The following TUSC3 variants were observed in gnomAD, a reference collection of about 807,000 sequenced individuals.
The protein encoded by TUSC3 is tumor suppressor candidate 3, also known as dolichyl-diphosphooligosaccharide--protein glycosyltransferase subunit TUSC3.
TUSC3 carries 45 observed loss-of-function variants against 44.8 expected under a neutral mutation model. The observed-to-expected ratio is 1.00, with a 90% CI of 0.79 to 1.29. TUSC3 has a LOEUF of 1.29. Ranked by LOEUF, TUSC3 falls within the 50% of genes most tolerant of loss-of-function variation. The pLI, the probability that TUSC3 is intolerant of heterozygous loss-of-function variation, is 0.00. For missense variants in TUSC3, 519 were observed against 437.9 expected (o/e 1.19, Z -1.65); for synonymous variants, 212 against 152.9 (o/e 1.39, Z -2.85).
At chr8:15,589,658 A>C (rs1320210145) in intron 1 of TUSC3, among the ~76,000 whole-genome samples, 1 of 152,134 alleles carries the variant, frequency 6.6e-6, no homozygotes, top group Non-Finnish European at 1.5e-5. Flanking sequence ...AGGTTCTTAA[A>C]GTTTTTAAAA....
At chr8:15,472,848 A>T (rs1386667800) in intron 1 of TUSC3, among the ~76,000 whole-genome samples, 1 of 152,218 alleles carries the variant, frequency 6.6e-6, no homozygotes, top group Admixed American at 6.5e-5. Flanking sequence ...CATAAAGAGA[A>T]TGACTATGTT....
downstream of TUSC3, among the ~76,000 whole-genome samples, chr8:15,769,437 T>C (rs1159084020): frequency 6.6e-6 from 1 of 152,124 alleles, no homozygotes; most frequent in Non-Finnish European, 1.5e-5. Context: ...TCAAGATGGA[T>C]TAAAGACTTA....
intron 2 of TUSC3, among the ~76,000 whole-genome samples, chr8:15,649,524 C>T (rs1276367124): frequency 6.7e-6 from 1 of 150,342 alleles, no homozygotes; most frequent in Non-Finnish European, 1.5e-5. Context: ...GCGGAGCTTG[C>T]AGTGAGCCGA....
chr8:15,590,451 T>A (rs900754608), intron 1 of TUSC3, among the ~76,000 whole-genome samples: 50 of 152,226 alleles, frequency 3.3e-4, no homozygotes, highest in African/African-American at 1.2e-3. Context: ...CTTCTAACTT[T>A]CTTCTCTCTC....
At chr8:15,850,405 A>G in the TUSC3 span, among the ~76,000 whole-genome samples, 1 of 152,308 alleles carries the variant, frequency 6.6e-6, no homozygotes, top group Non-Finnish European at 1.5e-5. Flanking sequence ...ATTATTCACT[A>G]TACAATAAAT....
At chr8:15,621,277 C>G (rs1805232003) in intron 1 of TUSC3, among the ~76,000 whole-genome samples, 1 of 151,564 alleles carries the variant, frequency 6.6e-6, no homozygotes, top group Non-Finnish European at 1.5e-5. Context: ...GACTTTAAAA[C>G]TTATTAAATA....
At chr8:15,576,279 G>GTTTTT (rs1175068882) in intron 1 of TUSC3, among the ~76,000 whole-genome samples, 1 of 104,788 alleles carries the variant, frequency 9.5e-6, no homozygotes, top group African/African-American at 3.5e-5. Context: ...TGGTCCTCTT[G>GTTTTT]TTTTTTTTTT....
intron 1 of TUSC3, among the ~76,000 whole-genome samples, chr8:15,568,460 C>T (rs62504214): frequency 0.21 from 31,913 of 151,950 alleles, 3,387 homozygotes; most frequent in Middle Eastern, 0.27. Context: ...ACTATATGAA[C>T]TTATAAAGTC....
rs577190805 is a variant in TUSC3 at position 15,657,907 on chromosome 8, G to A, written c.427-1600G>A. On this transcript the variant is annotated intron_variant, in intron 3 of 10. Coordinates refer to ENST00000503731, the MANE Select transcript of TUSC3 (RefSeq NM_006765.4). ...TCCAATATTTAAATATTTACCTGCC[G>A]GCGTCTTGCCAGGCACTTCTTGCTG... 9.9e-5 allele frequency among the ~76,000 whole-genome samples: 15 copies of A among 152,204 alleles called. No homozygotes were observed. The East Asian group carries it at 1.2e-3, about 12-fold the overall frequency.
chr8:15,733,431 A>G (rs564096561), intron 7 of TUSC3: 19 of 383,378 alleles, frequency 5.0e-5, no homozygotes, highest in Admixed American at 1.9e-4. Flanking sequence ...AGTGATGACT[A>G]TCGAAACACA....
chr8:15,494,972 T>A (rs748292379), intron 2 of TUSC3, among the ~76,000 whole-genome samples: 1 of 152,330 alleles, frequency 6.6e-6, no homozygotes, highest in Non-Finnish European at 1.5e-5. Context: ...GTGTACTCAA[T>A]GTTTAGCTCC....
rs2721222 is a variant in TUSC3, at chr8:15,746,322, A to C, written c.938-2053A>C. On this transcript the variant is annotated intron_variant, in intron 8 of 10. Coordinates refer to ENST00000503731, the MANE Select transcript of TUSC3 (RefSeq NM_006765.4). ...CCAGCCACCCCCAAATTAATTATTCATGTTGTGTATGTGCTTGTGTGTGTA... is the reference window on the plus strand; with the variant it reads ...CCAGCCACCCCCAAATTAATTATTCCTGTTGTGTATGTGCTTGTGTGTGTA... 1.0e-2 allele frequency among the ~76,000 whole-genome samples: 1,516 copies of C among 152,098 alleles called. 9 individuals carry two copies. The highest frequency in any genetic ancestry group is 0.027 in the Middle Eastern group (8 of 294).
At chr8:15,795,611 G>C in the TUSC3 span, among the ~76,000 whole-genome samples, 4 of 152,190 alleles carry the variant, frequency 2.6e-5, no homozygotes, top group South Asian at 2.1e-4. Context: ...TTCAAGAAGA[G>C]AGTAAAAAAT....
At chr8:15,818,000 A>G in the TUSC3 span, among the ~76,000 whole-genome samples, 3 of 152,172 alleles carry the variant, frequency 2.0e-5, no homozygotes, top group Admixed American at 6.6e-5. Context: ...AGCTGGAGAG[A>G]CTGTGATGAA....
At chr8:15,576,615 T>C (rs1326859292) in intron 1 of TUSC3, among the ~76,000 whole-genome samples, 1 of 145,452 alleles carries the variant, frequency 6.9e-6, no homozygotes, top group Non-Finnish European at 1.5e-5. Flanking sequence ...TCCAGTTTCA[T>C]CCATGTCCCT....
chr8:15,736,645 T>TA (rs1810950033), intron 7 of TUSC3, among the ~76,000 whole-genome samples: 1 of 152,162 alleles, frequency 6.6e-6, no homozygotes, highest in African/African-American at 2.4e-5. Context: ...TTTTCTAAAA[T>TA]AAAAAGGCAT....
chr8:15,629,885 G>C (rs1805683092), intron 2 of TUSC3, among the ~76,000 whole-genome samples: 1 of 152,076 alleles, frequency 6.6e-6, no homozygotes, highest in African/African-American at 2.4e-5. Context: ...CACACAGTCA[G>C]TTTATTCACA....
At chr8:15,816,338 C>T in the TUSC3 span, among the ~76,000 whole-genome samples, 4 of 152,134 alleles carry the variant, frequency 2.6e-5, no homozygotes, top group Non-Finnish European at 5.9e-5. Context: ...TATTAAAATA[C>T]TGAGGAAATA....
chr8:15,549,819 G>T (rs1801994767), intron 1 of TUSC3, among the ~76,000 whole-genome samples: 1 of 151,688 alleles, frequency 6.6e-6, no homozygotes, highest in South Asian at 2.1e-4. Flanking sequence ...CTGAATCAAG[G>T]TTGAATACTA....
Sources: gnomAD v4.1 joint callset for allele counts (sites outside exome capture counted in the v4.1 genomes callset) on GRCh38, gnomAD v4.1.1 for gene constraint, MANE v1.5 for transcripts, NCBI Gene and HGNC (gene_info 2026-07-23, HGNC 2026-07-21) for gene names.